OSBPL10: variants seen among roughly 807,000 people sequenced by gnomAD.
OSBPL10 encodes oxysterol-binding protein-related protein 10.
OSBPL10 carries 49 observed loss-of-function variants against 81.7 expected under a neutral mutation model. The ratio of observed to expected loss-of-function variants is 0.60; its 90% CI spans 0.48 to 0.76. The LOEUF is 0.76. Among genes scored for constraint, OSBPL10 ranks in the 30% least tolerant of loss-of-function variants. The pLI, the probability that OSBPL10 is intolerant of heterozygous loss-of-function variation, is 0.00. For synonymous variants in OSBPL10, 419 were observed against 383.6 expected, an observed-to-expected ratio of 1.09 and a Z score of -1.08; for missense variants, 923 against 987.8, an observed-to-expected ratio of 0.93 and a Z score of 0.88.
chr3:31,689,550 C>T (rs1268100045), intron 7 of OSBPL10, among the ~76,000 whole-genome samples: 1 of 152,196 alleles, frequency 6.6e-6, no homozygotes, highest in Non-Finnish European at 1.5e-5. Flanking sequence ...GGCTGTGTCC[C>T]CACCCAAATT....
At chr3:31,961,521 T>C (rs564276544) in intron 1 of OSBPL10, among the ~76,000 whole-genome samples, 1 of 152,272 alleles carries the variant, frequency 6.6e-6, no homozygotes, top group South Asian at 2.1e-4. Context: ...TTAGAGAGTG[T>C]GTGTGTTAAT....
intron 2 of OSBPL10, chr3:31,989,777 A>G (rs766601221): frequency 3.1e-6 from 5 of 1,614,078 alleles, no homozygotes; most frequent in Non-Finnish European, 4.2e-6. Context: ...TTCCAATGTA[A>G]TGAGAGTGGC....
chr3:31,735,257 T>C (rs757432563), intron 5 of OSBPL10, among the ~76,000 whole-genome samples: 1 of 152,048 alleles, frequency 6.6e-6, no homozygotes, highest in East Asian at 1.9e-4. Flanking sequence ...CTGGGGAACA[T>C]GGCAAAACCC....
At chr3:31,772,670 G>A (rs1293974944) in intron 4 of OSBPL10, among the ~76,000 whole-genome samples, 13 of 152,076 alleles carry the variant, frequency 8.5e-5, no homozygotes, top group Non-Finnish European at 1.3e-4. Context: ...GAAACAAGAA[G>A]GCAAAGCCCT....
At chr3:31,750,873 T>C (rs1697693870) in intron 4 of OSBPL10, among the ~76,000 whole-genome samples, 1 of 152,224 alleles carries the variant, frequency 6.6e-6, no homozygotes, top group Middle Eastern at 3.4e-3. Flanking sequence ...TTATACAGTA[T>C]AGGATAATTA....
Position 31,661,851 on chromosome 3 carries a change from C to T in OSBPL10, c.*221G>A, listed in dbSNP as rs564458427. The T allele has an allele frequency of 4.3e-5, 23 of 531,548 alleles. No individual in the cohort carries two copies. The highest frequency in any genetic ancestry group is 1.9e-4 in the African/African-American group (10 of 51,852). 32.9% of individuals were successfully genotyped at this position (531,548 alleles called of 1,614,324 possible). On this transcript the variant is annotated 3_prime_UTR_variant, in exon 12 of 12. Coordinates refer to ENST00000396556, the MANE Select transcript of OSBPL10 (RefSeq NM_017784.5). ...CATAGTGCATGTGTGTGAACGTATA[C>T]GGTGTGTACACACACGTGCCCCGAA...
chr3:32,018,573 A>T (rs953714058), intron 2 of OSBPL10, among the ~76,000 whole-genome samples: 1 of 152,168 alleles, frequency 6.6e-6, no homozygotes, highest in South Asian at 2.1e-4. Context: ...GGGTGAGGTC[A>T]TGTGTGCCTG....
chr3:32,027,021 CT>C (rs373159190), intron 2 of OSBPL10, among the ~76,000 whole-genome samples: 9 of 151,698 alleles, frequency 5.9e-5, no homozygotes, highest in Non-Finnish European at 5.9e-5. Flanking sequence ...TCATTTATTA[CT>C]TTTTTTTTCT....
chr3:31,802,260 G>A (rs1439576602), intron 4 of OSBPL10, among the ~76,000 whole-genome samples: 1 of 151,238 alleles, frequency 6.6e-6, no homozygotes, highest in Non-Finnish European at 1.5e-5. Context: ...AAGCTGCTCT[G>A]TAAAGAATTC....
chr3:31,793,350 G>A (rs771931017), intron 4 of OSBPL10, among the ~76,000 whole-genome samples: 16 of 152,104 alleles, frequency 1.1e-4, no homozygotes, highest in Non-Finnish European at 1.6e-4. Flanking sequence ...TCAAGCACCC[G>A]TTTGTATGAC....
intron 2 of OSBPL10, among the ~76,000 whole-genome samples, chr3:32,041,460 C>T (rs779586800): frequency 1.3e-5 from 2 of 152,076 alleles, no homozygotes; most frequent in Non-Finnish European, 2.9e-5. Flanking sequence ...GGAAACACCC[C>T]GTGAGGTCTC....
chr3:31,697,769 C>T (rs1441544992), intron 7 of OSBPL10, among the ~76,000 whole-genome samples: 2 of 146,482 alleles, frequency 1.4e-5, no homozygotes, highest in Non-Finnish European at 3.0e-5. Flanking sequence ...GCTTCCTCCT[C>T]TTTTTTTTTT....
At chr3:32,069,281 G>C (rs1156343903) in intron 1 of OSBPL10, among the ~76,000 whole-genome samples, 2 of 151,976 alleles carry the variant, frequency 1.3e-5, no homozygotes, top group Admixed American at 6.5e-5. Context: ...GTTTTTTTCT[G>C]TAGCCCAATC....
chr3:31,806,247 C>T (rs1699521426), intron 4 of OSBPL10, among the ~76,000 whole-genome samples: 1 of 152,214 alleles, frequency 6.6e-6, no homozygotes, highest in Admixed American at 6.5e-5. Flanking sequence ...GCAGAAGTCC[C>T]AGCCCCATAC....
chr3:31,668,957 CAA>C, intron 9 of OSBPL10, 133 bp from the exon 10 acceptor site: 2 of 684,852 alleles, frequency 2.9e-6, no homozygotes, highest in Non-Finnish European at 4.7e-6. Context: ...CAGCTTTGCT[CAA>C]AGACTAGCTC....
intron 3 of OSBPL10, among the ~76,000 whole-genome samples, chr3:31,850,498 T>G (rs572402734): frequency 5.9e-5 from 9 of 152,202 alleles, no homozygotes; most frequent in African/African-American, 2.2e-4. Context: ...CTTTGGAGAA[T>G]AGAGTGGAGG....
At chr3:32,036,855 A>G (rs1240000650) in intron 2 of OSBPL10, among the ~76,000 whole-genome samples, 1 of 151,802 alleles carries the variant, frequency 6.6e-6, no homozygotes, top group Admixed American at 6.6e-5. Flanking sequence ...AAAAACCCAC[A>G]TTCCTGATGA....
chr3:31,865,272 C>T (rs1701149498), intron 3 of OSBPL10, among the ~76,000 whole-genome samples: 1 of 152,192 alleles, frequency 6.6e-6, no homozygotes, highest in Admixed American at 6.5e-5. Context: ...TCTGTGCTGT[C>T]CAATACGCAG....
intron 5 of OSBPL10, among the ~76,000 whole-genome samples, chr3:31,743,031 GTTTTTTTTTTTTT>G (rs10715360): frequency 1.7e-5 from 1 of 57,494 alleles, no homozygotes; most frequent in Non-Finnish European, 3.2e-5. Flanking sequence ...AGCTAAATTA[GTTTTTTTTTTTTT>G]TTTTTTTTTT....
Sources: allele counts gnomAD v4.1 joint callset (sites outside exome capture counted in the v4.1 genomes callset), GRCh38; gene constraint gnomAD v4.1.1; transcripts MANE v1.5; gene names NCBI Gene and HGNC (gene_info 2026-07-23, HGNC 2026-07-21).